Variants in NLGN4X observed in about 807,000 individuals in gnomAD.
NLGN4X encodes neuroligin 4 X-linked.
In NLGN4X, 3 loss-of-function variants were observed where a neutral mutation model predicts 40.3. The ratio of observed to expected loss-of-function variants is 0.07; its 90% confidence interval spans 0.03 to 0.19. The LOEUF is 0.19. NLGN4X is among the 10% of genes least tolerant of loss of function. The probability of loss-of-function intolerance (pLI) is 1.00; values close to 1 mark genes in which losing one functional copy is unlikely to be tolerated. For synonymous variants in NLGN4X, 270 were observed against 306.8 expected (o/e 0.88, Z 1.25); for missense variants, 382 against 708.3 (o/e 0.54, Z 5.23).
At chrX:5,897,456 C>G (rs1395556464) in intron 5 of NLGN4X, among the ~76,000 whole-genome samples, 1 of 111,458 alleles carries the variant, frequency 9.0e-6, no homozygotes, top group East Asian at 2.8e-4. Flanking sequence ...CTCCTTGACA[C>G]TGCAGCTGAT....
intron 2 of NLGN4X, among the ~76,000 whole-genome samples, chrX:6,065,822 CTA>C (rs1477192120): frequency 9.0e-6 from 1 of 111,399 alleles, no homozygotes; most frequent in Non-Finnish European, 1.9e-5. Flanking sequence ...TCTTGATATA[CTA>C]TGTTATTTTT....
chrX:5,912,375 T>C (rs759800967), intron 3 of NLGN4X, among the ~76,000 whole-genome samples: 30 of 111,571 alleles, frequency 2.7e-4, no homozygotes, highest in African/African-American at 8.5e-4. Flanking sequence ...CTAGCCCCTG[T>C]CTGCCAAAGT....
rs901380847 is a variant in NLGN4X, at chrX:5,994,962, T to G, written c.625+34318A>C. 3.6e-5 allele frequency among the ~76,000 whole-genome samples: 4 copies of G among 112,653 alleles called. No individual in the cohort carries two copies. The East Asian group carries it at 1.1e-3, about 31-fold the overall frequency. ...GTAAATCAATGTCAAAACATATACC[T>G]TCTTTGATGTTAGTCTTGCCCAATA... is the stretch of plus-strand genomic sequence containing the variant. On this transcript the variant is annotated intron_variant, in intron 3 of 5. Transcript: ENST00000381095.
intron 2 of NLGN4X, among the ~76,000 whole-genome samples, chrX:6,063,348 T>C (rs1468436387): frequency 8.9e-6 from 1 of 112,012 alleles, no homozygotes; most frequent in Non-Finnish European, 1.9e-5. Flanking sequence ...TAGCTGGGCA[T>C]GGTGGCAACA....
At chrX:6,155,939 C>T (rs1483161069) in intron 1 of NLGN4X, among the ~76,000 whole-genome samples, 3 of 112,146 alleles carry the variant, frequency 2.7e-5, no homozygotes, top group Admixed American at 1.9e-4. Context: ...CTATATACAC[C>T]GTTGGTGAGA....
intron 1 of NLGN4X, among the ~76,000 whole-genome samples, chrX:6,184,713 T>C (rs1691500476): frequency 8.9e-6 from 1 of 111,948 alleles, no homozygotes; most frequent in Admixed American, 9.5e-5. Context: ...GAATGCTTCG[T>C]TTACCAAAAC....
intron 1 of NLGN4X, among the ~76,000 whole-genome samples, chrX:6,199,089 C>T (rs151245191): frequency 5.8e-4 from 65 of 111,536 alleles, no homozygotes; most frequent in Non-Finnish European, 1.1e-3. Flanking sequence ...GTATGCTCAG[C>T]TGAGAAAAGA....
intron 3 of NLGN4X, among the ~76,000 whole-genome samples, chrX:5,938,775 CAAG>C (rs1040953813): frequency 5.4e-5 from 6 of 111,315 alleles, no homozygotes; most frequent in Non-Finnish European, 5.7e-5. Context: ...CAGAAAAACA[CAAG>C]GAGAAGGGAA....
At position 6,107,365 on chromosome X, in the gene NLGN4X, A is replaced by T. The variant is rs1034614605; in HGVS notation, c.472+43630T>A. On this transcript the variant is annotated intron_variant, in intron 2 of 5. Coordinates refer to ENST00000381095, the MANE Select transcript of NLGN4X (RefSeq NM_181332.3). Reference sequence around the variant, plus strand: ...ACTAAAACCTACTTAGCACTCCCCAAGCAGCCTGGAGAGGTTACCCCCAGT... The same window carrying T: ...ACTAAAACCTACTTAGCACTCCCCATGCAGCCTGGAGAGGTTACCCCCAGT... 5.4e-5 allele frequency among the ~76,000 whole-genome samples: 6 copies of T among 111,063 alleles called. No individual in the cohort carries two copies. The East Asian group carries it at 1.7e-3, about 32-fold the overall frequency.
At chrX:6,015,585 A>G (rs1330383608) in intron 3 of NLGN4X, among the ~76,000 whole-genome samples, 2 of 111,802 alleles carry the variant, frequency 1.8e-5, no homozygotes, top group Non-Finnish European at 3.8e-5. Context: ...CCTTCCCCCA[A>G]TAGACTGATC....
At chrX:6,001,367 TC>T (rs1482858587) in intron 3 of NLGN4X, among the ~76,000 whole-genome samples, 1 of 112,014 alleles carries the variant, frequency 8.9e-6, no homozygotes, top group Non-Finnish European at 1.9e-5. Flanking sequence ...TAGTGTAGAA[TC>T]AGTGGAAATA....
chrX:5,939,148 T>C (rs1002340445), intron 3 of NLGN4X, among the ~76,000 whole-genome samples: 16 of 111,012 alleles, frequency 1.4e-4, no homozygotes, highest in African/African-American at 5.3e-4. Context: ...AGACATTCCA[T>C]CTGCATGGAG....
intron 2 of NLGN4X, among the ~76,000 whole-genome samples, chrX:6,129,728 G>A (rs1357127276): frequency 9.0e-6 from 1 of 110,565 alleles, no homozygotes; most frequent in Non-Finnish European, 1.9e-5. Flanking sequence ...AACAGGGCAG[G>A]TGGGAATTGA....
At position 5,893,157 on chromosome X, in the gene NLGN4X, C is replaced by A. The variant is rs1413281953; in HGVS notation, c.2111G>T (p.Arg704Leu). 8.3e-7 allele frequency: 1 copy of A among 1,209,522 alleles called. No homozygotes were observed. The change falls in exon 6 of 6, where the codon CGC (arginine) becomes CTC (leucine). Residue 704 changes from arginine (R) to leucine (L), a missense_variant. Physicochemically the swap from Arg to Leu is moderately radical, Grantham distance 102. Around this residue, in one of 5 missense-constraint regions of NLGN4X, gnomAD observed 149 missense variants for 375.8 expected, o/e 0.40. Transcript: ENST00000381095. ...ACTGGGGCGCCTGTGAGTCTCATGG[C>A]GCCTCTTGTCCTTTTTGTAGTACAG... ...AALYYKKDKR[R>L]HETHRRPSPQ...
intron 2 of NLGN4X, among the ~76,000 whole-genome samples, chrX:6,122,286 T>C (rs1489308386): frequency 1.8e-5 from 2 of 111,815 alleles, no homozygotes; most frequent in African/African-American, 6.5e-5. Context: ...TCACCTAGGC[T>C]GGAGTGCAGT....
At chrX:5,954,590 G>C (rs753635791) in intron 3 of NLGN4X, among the ~76,000 whole-genome samples, 13 of 103,807 alleles carry the variant, frequency 1.3e-4, no homozygotes, top group African/African-American at 4.3e-4. Context: ...CTTGGTCCCT[G>C]GCAATCTCTG....
chrX:5,915,114 C>T (rs1227854662), intron 3 of NLGN4X, among the ~76,000 whole-genome samples: 1 of 112,102 alleles, frequency 8.9e-6, no homozygotes, highest in Non-Finnish European at 1.9e-5. Flanking sequence ...ACTAGCAGAC[C>T]ATTCTCCATT....
chrX:6,210,276 A>G (rs10482289), intron 1 of NLGN4X, among the ~76,000 whole-genome samples: 17,787 of 67,351 alleles, frequency 0.26, 1,503 homozygotes, highest in East Asian at 0.32. Flanking sequence ...GTGTGTGTGT[A>G]TGTATGTAAT....
chrX:6,089,665 C>T (rs1375925691), intron 2 of NLGN4X, among the ~76,000 whole-genome samples: 1 of 112,173 alleles, frequency 8.9e-6, no homozygotes, highest in Admixed American at 9.5e-5. Context: ...TGTGTTGGGG[C>T]GGATAAGGAG....
Sources: allele counts gnomAD v4.1 joint callset (sites outside exome capture counted in the v4.1 genomes callset), GRCh38; gene constraint gnomAD v4.1.1; regional missense constraint gnomAD v4.1.1; transcripts MANE v1.5; gene names NCBI Gene and HGNC (gene_info 2026-07-23, HGNC 2026-07-21).